The following PPP2R5C variants were observed in gnomAD, a reference collection of about 807,000 sequenced individuals.
The protein encoded by PPP2R5C is protein phosphatase 2 regulatory subunit B'gamma.
A neutral mutation model predicts 68.9 loss-of-function variants in PPP2R5C; 7 were observed. The observed-to-expected ratio is 0.10, with a 90% CI of 0.06 to 0.19. PPP2R5C has a LOEUF of 0.19. Ranked by LOEUF, PPP2R5C falls within the 10% of genes least tolerant of loss-of-function variation. The pLI is 1.00. For synonymous variants in PPP2R5C, 210 were observed against 222.2 expected (o/e 0.95, Z 0.49); for missense variants, 348 against 641.3 (o/e 0.54, Z 4.94).
intron 3 of PPP2R5C, among the ~76,000 whole-genome samples, chr14:101,792,799 CT>C (rs2038418678): frequency 6.6e-6 from 1 of 150,908 alleles, no homozygotes; most frequent in Admixed American, 6.6e-5. Flanking sequence ...TTTTTGATTC[CT>C]TGATTTCTGA....
chr14:101,917,824 A>AT lies in PPP2R5C; in HGVS notation c.1327-5dup. ...CTAACAGAGCGACTCCACGCTTTGC[A>AT]TTGCAGTACACAGTGTATAGTCAAG... On this transcript the variant is annotated splice_polypyrimidine_tract_variant and splice_region_variant and intron_variant, in intron 12 of 13. Transcript: ENST00000334743. This position sits in a 1 kb window ranked among gnomAD's most constrained non-coding sequence, Gnocchi z 4.4. 6.2e-7 allele frequency: 1 copy of AT among 1,613,298 alleles called. No individual in the cohort carries two copies. The highest frequency in any genetic ancestry group is 1.1e-5 in the South Asian group (1 of 91,064).
At chr14:101,902,149 A>G (rs1297973578) in intron 9 of PPP2R5C, among the ~76,000 whole-genome samples, 1 of 152,138 alleles carries the variant, frequency 6.6e-6, no homozygotes, top group African/African-American at 2.4e-5. Context: ...CTTTATCTTC[A>G]TGTTCAGTGT....
intron 2 of PPP2R5C, among the ~76,000 whole-genome samples, chr14:101,767,499 G>A (rs1302896328): frequency 1.3e-5 from 2 of 150,456 alleles, no homozygotes; most frequent in African/African-American, 2.5e-5. Flanking sequence ...TGACACCCCT[G>A]TAGGCTCACT....
At chr14:101,819,145 T>C (rs2039893727) in intron 1 of PPP2R5C, 7 of 1,442,592 alleles carry the variant, frequency 4.9e-6, no homozygotes, top group South Asian at 3.7e-5. Context: ...TCTGTACATG[T>C]ATAATTAGGA....
At chr14:101,920,970 G>A (rs2046967886) in intron 13 of PPP2R5C, 1 of 153,018 alleles carries the variant, frequency 6.5e-6, no homozygotes, top group Admixed American at 7.0e-5. Flanking sequence ...TGAATCAATT[G>A]AATTCAGTTG....
intron 1 of PPP2R5C, among the ~76,000 whole-genome samples, chr14:101,846,822 A>C (rs987917076): frequency 2.6e-5 from 4 of 152,136 alleles, no homozygotes; most frequent in African/African-American, 9.7e-5. Context: ...GTTTCAGTTC[A>C]CCCATGTCTC....
At chr14:101,890,629 G>A (rs2044806884) in intron 6 of PPP2R5C, among the ~76,000 whole-genome samples, 1 of 152,038 alleles carries the variant, frequency 6.6e-6, no homozygotes, top group Non-Finnish European at 1.5e-5. Context: ...CTTGAAAGAA[G>A]AATAGATTGT....
At chr14:101,833,146 A>C (rs1192128348) in intron 1 of PPP2R5C, among the ~76,000 whole-genome samples, 1 of 152,254 alleles carries the variant, frequency 6.6e-6, no homozygotes, top group African/African-American at 2.4e-5. Flanking sequence ...TGACTTGGTC[A>C]AAACTTTGTC....
intron 1 of PPP2R5C, among the ~76,000 whole-genome samples, chr14:101,846,238 A>G (rs1416841731): frequency 1.3e-5 from 2 of 152,208 alleles, no homozygotes; most frequent in African/African-American, 2.4e-5. Context: ...ATGAAATAAC[A>G]TCCATTTAGA....
chr14:101,893,603 A>G (rs1224298229), intron 7 of PPP2R5C, among the ~76,000 whole-genome samples: 1 of 152,190 alleles, frequency 6.6e-6, no homozygotes, highest in Non-Finnish European at 1.5e-5. Flanking sequence ...ATACAAAACT[A>G]GCCGGGCATG....
At chr14:101,832,998 T>G (rs2040845731) in intron 1 of PPP2R5C, among the ~76,000 whole-genome samples, 1 of 152,230 alleles carries the variant, frequency 6.6e-6, no homozygotes, top group African/African-American at 2.4e-5. Context: ...GAGGTTGCAG[T>G]GTGAACACTA....
At chr14:101,910,743 A>G (rs1331168593) in intron 11 of PPP2R5C, among the ~76,000 whole-genome samples, 1 of 151,902 alleles carries the variant, frequency 6.6e-6, no homozygotes, top group Non-Finnish European at 1.5e-5. Context: ...CGATGCAGGC[A>G]GATCACGAGG....
At chr14:101,785,917 G>T in intron 2 of PPP2R5C, 101 bp from the exon 3 acceptor site, 1 of 1,085,566 alleles carries the variant, frequency 9.2e-7, no homozygotes, top group South Asian at 2.2e-5. Flanking sequence ...GAAGGGGAAT[G>T]CCCCAGAGTA....
intron 3 of PPP2R5C, among the ~76,000 whole-genome samples, chr14:101,803,920 A>C (rs1230374608): frequency 6.6e-6 from 1 of 152,190 alleles, no homozygotes; most frequent in Non-Finnish European, 1.5e-5. Flanking sequence ...GGATACAATC[A>C]ATAAAGTGAA....
chr14:101,829,746 G>A (rs2281772), intron 1 of PPP2R5C, among the ~76,000 whole-genome samples: 12 of 152,086 alleles, frequency 7.9e-5, no homozygotes, highest in East Asian at 1.9e-4. Flanking sequence ...TGAGGTGCCC[G>A]CAATCAGACA....
chr14:101,864,583 G>C (rs554964449), intron 2 of PPP2R5C, among the ~76,000 whole-genome samples: 1 of 152,152 alleles, frequency 6.6e-6, no homozygotes, highest in Non-Finnish European at 1.5e-5. Context: ...CCCCTTGCCT[G>C]GGCGCCCCAG....
Position 101,779,160 on chromosome 14 carries a change from T to C in PPP2R5C, c.94-6858T>C, listed in dbSNP as rs139912448. Among the ~76,000 whole-genome samples the C allele has an allele frequency of 1.1e-3, 167 of 152,244 alleles. 1 individual carries two copies. Among genetic ancestry groups the C allele is most frequent in the African/African-American group, 3.8e-3 (159 of 41,540 alleles). ...GTATTGCTGGAACATCAAGTGTGCA[T>C]GGAAGTGGTTGTGTGAAGGCTGGAA... is the stretch of plus-strand genomic sequence containing the variant. On this transcript the variant is annotated intron_variant, in intron 2 of 14. Coordinates refer to the PPP2R5C transcript ENST00000328724.
At chr14:101,804,399 A>G (rs1265314065) in intron 3 of PPP2R5C, among the ~76,000 whole-genome samples, 1 of 152,250 alleles carries the variant, frequency 6.6e-6, no homozygotes, top group Admixed American at 6.5e-5. Flanking sequence ...AAATGAGTAT[A>G]TCAAAGAGAT....
chr14:101,920,744 A>G (rs769303576), intron 13 of PPP2R5C, among the ~76,000 whole-genome samples: 13 of 152,208 alleles, frequency 8.5e-5, no homozygotes, highest in African/African-American at 1.4e-4. Context: ...TAATAATACT[A>G]TGCAATTCCA....
Sources: gnomAD v4.1 joint callset for allele counts (sites outside exome capture counted in the v4.1 genomes callset) on GRCh38, gnomAD v4.1.1 for gene constraint, Gnocchi (gnomAD v3.1) non-coding constraint, MANE v1.5 for transcripts, NCBI Gene and HGNC (gene_info 2026-07-23, HGNC 2026-07-21) for gene names.